The following COPB1 variants were observed in gnomAD, a reference collection of about 807,000 sequenced individuals.
The protein encoded by COPB1 is coat protein complex I subunit beta 1, also known as coatomer subunit beta.
A neutral mutation model predicts 108.7 loss-of-function variants in COPB1; 21 were observed. That is an observed-to-expected ratio of 0.19 (90% CI 0.14 to 0.28). COPB1 has a LOEUF of 0.28. COPB1 is among the 10% of genes least tolerant of loss of function. The pLI, the probability that COPB1 is intolerant of heterozygous loss-of-function variation, is 1.00. For missense variants in COPB1, 919 were observed against 1,141.3 expected, an observed-to-expected ratio of 0.81 and a Z score of 2.81; for synonymous variants, 378 against 386.8, an observed-to-expected ratio of 0.98 and a Z score of 0.27.
At chr11:14,473,215 C>T (rs1850445933) in intron 14 of COPB1, among the ~76,000 whole-genome samples, 1 of 152,182 alleles carries the variant, frequency 6.6e-6, no homozygotes, top group African/African-American at 2.4e-5. Flanking sequence ...CCTCGTGATC[C>T]GCCTGTCTCG....
intron 14 of COPB1, among the ~76,000 whole-genome samples, chr11:14,472,383 G>A (rs570006897): frequency 1.3e-5 from 2 of 152,314 alleles, no homozygotes; most frequent in East Asian, 3.9e-4. Context: ...CCGTAAAGAG[G>A]ATGTGCTGAC....
intron 18 of COPB1, 144 bp from the exon 19 acceptor site, chr11:14,461,475 C>T (rs1035063388): frequency 2.6e-6 from 2 of 760,472 alleles, no homozygotes; most frequent in Non-Finnish European, 4.0e-6. Flanking sequence ...CTCTATTCTA[C>T]ATGCTTTATA....
At position 14,493,629 on chromosome 11, in the gene COPB1, T is replaced by C; in HGVS notation, c.491+13A>G. 1 of 1,581,098 alleles carries C rather than the reference T, an allele frequency of 6.3e-7. No individual in the cohort carries two copies. Among genetic ancestry groups the C allele is most frequent in the Admixed American group, 1.9e-5 (1 of 53,612 alleles). ...TACTCACAGAATGAAGCCAAAGCAG[T>C]ATCTTTATTTACCTATAGATGGTAT... On this transcript the variant is annotated intron_variant, in intron 4 of 21. Transcript: ENST00000439561.
At chr11:14,458,379 G>T (rs561549077) in intron 21 of COPB1, among the ~76,000 whole-genome samples, 153 bp downstream of exon 21, 5 of 152,192 alleles carry the variant, frequency 3.3e-5, no homozygotes, top group Non-Finnish European at 7.4e-5. Flanking sequence ...AAATTTTAAT[G>T]AGAAAAGTTA....
Position 14,486,370 on chromosome 11 carries a change from G to C in COPB1, c.834C>G (p.Ile278Met), listed in dbSNP as rs528031760. 3.1e-6 allele frequency: 5 copies of C among 1,614,072 alleles called. No individual in the cohort carries two copies. In the South Asian group the frequency reaches 5.5e-5, roughly 18 times the overall value. Reference sequence around the variant, plus strand: ...CCCCAAAAGAAATACACAGTACCTTGATTGCAGTTGGTGCACTAGAGAGTG... The same window carrying C: ...CCCCAAAAGAAATACACAGTACCTTCATTGCAGTTGGTGCACTAGAGAGTG... The part of the protein sequence containing the change: ...LVTLSSAPTA[I>M]KAAAQCYIDL... Residue 278 changes from isoleucine to methionine, a missense_variant, in exon 7 of 22, where the codon ATC (isoleucine) becomes ATG (methionine). Around this residue, in one of 5 missense-constraint regions of COPB1, gnomAD observed 705 missense variants for 817.8 expected, o/e 0.86. Transcript: ENST00000439561.
At chr11:14,490,715 A>G (rs549241388) in intron 4 of COPB1, 36 bp from the exon 5 acceptor site, 1 of 1,151,630 alleles carries the variant, frequency 8.7e-7, no homozygotes, top group East Asian at 2.4e-5. Flanking sequence ...TATTTAATAA[A>G]AGCCTACTTT....
chr11:14,489,573 G>A (rs1216872583), intron 5 of COPB1, among the ~76,000 whole-genome samples: 5 of 152,116 alleles, frequency 3.3e-5, no homozygotes, highest in South Asian at 4.1e-4. Flanking sequence ...AACACATGCC[G>A]CAACATAAAT....
intron 18 of COPB1, among the ~76,000 whole-genome samples, chr11:14,463,768 G>A (rs1305680070): frequency 2.0e-5 from 3 of 152,120 alleles, no homozygotes; most frequent in Admixed American, 1.3e-4. Context: ...TTCCTGTTAT[G>A]ATGATGACAT....
chr11:14,490,500 C>A, intron 5 of COPB1, 65 bp downstream of exon 5: 1 of 860,972 alleles, frequency 1.2e-6, no homozygotes, highest in African/African-American at 1.7e-5. Context: ...ATGATTAAGT[C>A]TATGTAATAC....
intron 18 of COPB1, among the ~76,000 whole-genome samples, chr11:14,462,387 C>T (rs984651669): frequency 5.9e-5 from 9 of 152,076 alleles, no homozygotes; most frequent in Admixed American, 1.3e-4. Context: ...CGCCTGCCAC[C>T]GCGCCTGGCT....
intron 4 of COPB1, among the ~76,000 whole-genome samples, chr11:14,492,950 A>G (rs1457388024): frequency 2.0e-5 from 3 of 152,110 alleles, no homozygotes; most frequent in African/African-American, 7.2e-5. Flanking sequence ...GTTCGAGACC[A>G]GCCTGGCCAA....
intron 8 of COPB1, among the ~76,000 whole-genome samples, chr11:14,482,583 G>A (rs540350328): frequency 6.6e-6 from 1 of 151,854 alleles, no homozygotes; most frequent in South Asian, 2.1e-4. Flanking sequence ...TGCCCAGGCT[G>A]GAGTGCAGTG....
chr11:14,468,941 A>G, intron 15 of COPB1, 81 bp from the exon 16 acceptor site: 2 of 1,160,294 alleles, frequency 1.7e-6, no homozygotes, highest in East Asian at 4.7e-5. Flanking sequence ...CAGCCCTCAC[A>G]TATGAAAACT....
rs151120842 is a variant in COPB1 at position 14,474,554 on chromosome 11, T to G, written c.1678A>C (p.Thr560Pro). 2.7e-5 allele frequency: 44 copies of G among 1,613,812 alleles called. No homozygotes were observed. The African/African-American group carries it at 4.4e-4, about 16-fold the overall frequency. The change falls in exon 14 of 22, where the codon ACT (threonine) becomes CCT (proline). Residue 560 changes from threonine to proline, a missense_variant. Physicochemically the swap from Thr to Pro is conservative, Grantham distance 38. Transcript: ENST00000439561. Reference protein sequence around the residue: ...DFFVAASLATTLTKIALRYVA... With the variant: ...DFFVAASLATPLTKIALRYVA... ...TAGCGCAATGCAATCTTGGTCAGAG[T>G]TGTGGCAAGGGAGGCAGCAACAAAG... is the stretch of plus-strand genomic sequence containing the variant.
chr11:14,486,613 G>C (rs1850782287), intron 6 of COPB1, 109 bp from the exon 7 acceptor site: 1 of 1,307,476 alleles, frequency 7.6e-7, no homozygotes, highest in Non-Finnish European at 1.1e-6. Context: ...CAATATGAAA[G>C]CTAAGAACAG....
In COPB1 at chr11:14,460,216, G is replaced by A; in HGVS notation, c.2638C>T (p.Pro880Ser). The change falls in exon 20 of 22, where the codon CCA (proline) becomes TCA (serine). Residue 880 changes from proline to serine, a missense_variant. By Grantham distance (74) the Pro-to-Ser change is moderately conservative. Transcript: ENST00000439561. Reference protein sequence around the residue: ...LKSTNMKCLTPEKALSGYCGF... With the variant: ...LKSTNMKCLTSEKALSGYCGF... ...TCCTAGTCAAATTTTACCTTTTCTGGAGTCAGGCATTTCATATTGGTTGAC... is the reference window on the plus strand; with the variant it reads ...TCCTAGTCAAATTTTACCTTTTCTGAAGTCAGGCATTTCATATTGGTTGAC... 1 of 1,602,790 alleles carries A rather than the reference G, an allele frequency of 6.2e-7. No homozygotes were observed. The highest frequency in any genetic ancestry group is 8.5e-7 in the Non-Finnish European group (1 of 1,170,932).
At chr11:14,495,792 T>A (rs1370082525) in intron 2 of COPB1, among the ~76,000 whole-genome samples, 1 of 152,262 alleles carries the variant, frequency 6.6e-6, no homozygotes, top group Non-Finnish European at 1.5e-5. Context: ...GCAGATTTTA[T>A]TCTTTACCTT....
intron 2 of COPB1, among the ~76,000 whole-genome samples, chr11:14,497,281 T>A (rs2134131713): frequency 6.6e-6 from 1 of 151,386 alleles, no homozygotes; most frequent in African/African-American, 2.4e-5. Flanking sequence ...AAATATGTGC[T>A]AACTACCTAT....
intron 11 of COPB1, 66 bp downstream of exon 11, chr11:14,479,503 C>A: frequency 6.9e-7 from 1 of 1,459,064 alleles, no homozygotes. Context: ...TATCAACTGA[C>A]CCTTTAAAGA....
Sources: gnomAD v4.1 joint callset for allele counts (sites outside exome capture counted in the v4.1 genomes callset) on GRCh38, gnomAD v4.1.1 for gene constraint, gnomAD v4.1.1 regional missense constraint, MANE v1.5 for transcripts, NCBI Gene and HGNC (gene_info 2026-07-23, HGNC 2026-07-21) for gene names.